Variants in CMTM4 observed in about 807,000 individuals in gnomAD.
CMTM4 encodes the protein CKLF like MARVEL transmembrane domain containing 4.
A neutral mutation model predicts 19.0 loss-of-function variants in CMTM4; 8 were observed. The observed-to-expected ratio is 0.42, with a 90% confidence interval of 0.25 to 0.76. The LOEUF (loss-of-function observed/expected upper bound fraction) is 0.76, where lower values mean the gene tolerates loss of function less well. Ranked by LOEUF, CMTM4 falls within the 30% of genes least tolerant of loss-of-function variation. CMTM4 has a pLI of 0.27. For synonymous variants in CMTM4, 106 were observed against 121.1 expected (o/e 0.88, Z 0.82); for missense variants, 228 against 290.2 (o/e 0.79, Z 1.56).
chr16:66,682,249 T>C (rs150442910), intron 1 of CMTM4, among the ~76,000 whole-genome samples: 155 of 152,320 alleles, frequency 1.0e-3, no homozygotes, highest in African/African-American at 3.6e-3. Context: ...TGATTTAACT[T>C]TCAAGTTATT....
rs1039894066 is a variant in CMTM4 at position 66,616,139 on chromosome 16, T to C, written c.*5919A>G. ...ATTAAAAGGACACAATCTAAAATCATGCTACAAAAATAGTGTTATCTTGTT... is the reference window on the plus strand; with the variant it reads ...ATTAAAAGGACACAATCTAAAATCACGCTACAAAAATAGTGTTATCTTGTT... On this transcript the variant is annotated 3_prime_UTR_variant, in exon 4 of 4. Transcript: ENST00000394106. The C allele has an allele frequency of 1.8e-4, 27 of 152,272 alleles. No homozygotes were observed. The highest frequency in any genetic ancestry group is 5.8e-4 in the African/African-American group (24 of 41,572). The allele number at this position is 152,272 out of a possible 1,614,324, so 9.4% of individuals were successfully genotyped here.
intron 1 of CMTM4, among the ~76,000 whole-genome samples, chr16:66,694,090 AAAGAG>A (rs2017186893): frequency 6.6e-6 from 1 of 152,110 alleles, no homozygotes; most frequent in Non-Finnish European, 1.5e-5. Flanking sequence ...GAGAAAGAGA[AAAGAG>A]AAAAGAAAAG....
Position 66,665,150 on chromosome 16 carries a change from G to A in CMTM4, c.187-28569C>T, listed in dbSNP as rs535824877. On this transcript the variant is annotated intron_variant, in intron 1 of 3. Coordinates refer to ENST00000394106, the MANE Select transcript of CMTM4 (RefSeq NM_181521.3). ...TTTTGTAGAGACAGGGTTTTGCCACGTTGTCCAGGCTGGTCTCGAACTCCT... is the reference window on the plus strand; with the variant it reads ...TTTTGTAGAGACAGGGTTTTGCCACATTGTCCAGGCTGGTCTCGAACTCCT... Among the ~76,000 whole-genome samples, 26 of 149,446 alleles carry A rather than the reference G, an allele frequency of 1.7e-4. No homozygotes were observed. The South Asian group carries it at 3.6e-3, about 21-fold the overall frequency.
chr16:66,662,941 A>G (rs1056595869), intron 1 of CMTM4, among the ~76,000 whole-genome samples: 3 of 152,228 alleles, frequency 2.0e-5, no homozygotes, highest in African/African-American at 7.2e-5. Flanking sequence ...TAAACAGTGC[A>G]GTAAAGACGT....
At chr16:66,627,780 C>T (rs775204306) in intron 2 of CMTM4, among the ~76,000 whole-genome samples, 18 of 152,052 alleles carry the variant, frequency 1.2e-4, no homozygotes, top group Non-Finnish European at 2.1e-4. Context: ...TCAGGTGGGA[C>T]GAGAGACTGA....
chr16:66,665,515 C>A (rs2016576018), intron 1 of CMTM4, among the ~76,000 whole-genome samples: 1 of 152,072 alleles, frequency 6.6e-6, no homozygotes, highest in East Asian at 1.9e-4. Flanking sequence ...GAGGCCCAGG[C>A]AGGCAGATCA....
the CMTM4 span, chr16:66,604,712 C>T: frequency 9.9e-7 from 1 of 1,010,764 alleles, no homozygotes; most frequent in Non-Finnish European, 1.3e-6. Context: ...CCAGTGTCGC[C>T]TGCCCTCCTT....
At chr16:66,604,051 T>A in the CMTM4 span, 24,773 of 150,596 alleles carry the variant, frequency 0.16, 2,372 homozygotes, top group East Asian at 0.26. Flanking sequence ...TGTGTGTGTG[T>A]GAGAGAGAGA....
intron 2 of CMTM4, among the ~76,000 whole-genome samples, chr16:66,635,083 A>C (rs1442813850): frequency 1.3e-5 from 2 of 152,208 alleles, no homozygotes; most frequent in Non-Finnish European, 1.5e-5. Context: ...CCCTGCATCC[A>C]TAGTATGAGC....
chr16:66,606,877 C>T, the CMTM4 span, among the ~76,000 whole-genome samples: 1 of 152,200 alleles, frequency 6.6e-6, no homozygotes, highest in African/African-American at 2.4e-5. Flanking sequence ...CCTGTAATCC[C>T]AGCTACTCGG....
intron 2 of CMTM4, among the ~76,000 whole-genome samples, chr16:66,630,485 C>T (rs1234849287): frequency 1.8e-4 from 28 of 151,918 alleles, no homozygotes; most frequent in African/African-American, 6.3e-4. Flanking sequence ...ATTGCAGGCG[C>T]GCGCCGCCAC....
At chr16:66,633,134 T>TATATATATATAAATATATATATATAA (rs2015915819) in intron 2 of CMTM4, among the ~76,000 whole-genome samples, 9 of 139,952 alleles carry the variant, frequency 6.4e-5, no homozygotes, top group African/African-American at 2.4e-4. Context: ...TATATATAAA[T>TATATATATATAAATATATATATATAA]ATATATATAT....
At chr16:66,673,832 G>A (rs1475440010) in intron 1 of CMTM4, among the ~76,000 whole-genome samples, 1 of 152,224 alleles carries the variant, frequency 6.6e-6, no homozygotes, top group Non-Finnish European at 1.5e-5. Flanking sequence ...CTTCCGCTCA[G>A]GTCCTGAAAT....
At chr16:66,637,315 T>C (rs1042712880) in intron 1 of CMTM4, among the ~76,000 whole-genome samples, 1 of 152,090 alleles carries the variant, frequency 6.6e-6, no homozygotes, top group Non-Finnish European at 1.5e-5. Context: ...GAGGCCAAGG[T>C]TGGCAGATCA....
chr16:66,615,409 A>G lies in CMTM4; in HGVS notation c.*6649T>C, dbSNP rs1377635428. On this transcript the variant is annotated 3_prime_UTR_variant, in exon 4 of 4. Coordinates refer to ENST00000394106, the MANE Select transcript of CMTM4 (RefSeq NM_181521.3). This position sits in a 1 kb window ranked among gnomAD's most constrained non-coding sequence, Gnocchi z 4.9. Reference sequence around the variant, plus strand: ...TTACTCAAGGGTTTTGGGACCAGACATAACTCACGTCCTGCAGGAAGGAGA... The same window carrying G: ...TTACTCAAGGGTTTTGGGACCAGACGTAACTCACGTCCTGCAGGAAGGAGA... The G allele has an allele frequency of 1.3e-5, 2 of 152,240 alleles. No homozygotes were observed. Among genetic ancestry groups the G allele is most frequent in the East Asian group, 1.9e-4 (1 of 5,202 alleles). The allele number at this position is 152,240 out of a possible 1,614,324, so 9.4% of individuals were successfully genotyped here. A position where few individuals can be genotyped will look rare whatever the true frequency, so the allele number is the denominator to read the frequency against.
chr16:66,602,104 T>A, the CMTM4 span, among the ~76,000 whole-genome samples: 1 of 152,216 alleles, frequency 6.6e-6, no homozygotes, highest in African/African-American at 2.4e-5. Flanking sequence ...GGTCAAGAGA[T>A]AATCAGGTCT....
chr16:66,695,812 C>G (rs985833637), intron 1 of CMTM4, among the ~76,000 whole-genome samples: 3 of 152,120 alleles, frequency 2.0e-5, no homozygotes, highest in African/African-American at 7.2e-5. Context: ...TATCTGGGCT[C>G]CTCCACTGCA....
At chr16:66,674,834 C>T (rs544888232) in intron 1 of CMTM4, among the ~76,000 whole-genome samples, 11 of 150,060 alleles carry the variant, frequency 7.3e-5, no homozygotes, top group Middle Eastern at 3.4e-3. Flanking sequence ...CTCCACCTCC[C>T]GGGTTCAAGC....
chr16:66,634,896 G>A (rs1051499859), intron 2 of CMTM4, among the ~76,000 whole-genome samples: 8 of 152,144 alleles, frequency 5.3e-5, no homozygotes, highest in African/African-American at 1.9e-4. Context: ...AACCCAGCTC[G>A]GTCTGTCTGA....
Sources: allele counts gnomAD v4.1 joint callset (sites outside exome capture counted in the v4.1 genomes callset), GRCh38; gene constraint gnomAD v4.1.1; non-coding constraint Gnocchi (gnomAD v3.1); transcripts MANE v1.5; gene names NCBI Gene and HGNC (gene_info 2026-07-23, HGNC 2026-07-21).